The following ALG14 variants were observed in gnomAD, a reference collection of about 807,000 sequenced individuals.
ALG14 encodes the protein UDP-N-acetylglucosamine transferase subunit ALG14.
ALG14 carries 17 observed loss-of-function variants against 22.8 expected under a neutral mutation model. The observed-to-expected ratio is 0.75, with a 90% CI of 0.51 to 1.12. ALG14 has a LOEUF of 1.12. ALG14 is among the 50% of genes most tolerant of loss of function. ALG14 has a pLI of 0.00. For missense variants in ALG14, 288 were observed against 271.8 expected (o/e 1.06, Z -0.42); for synonymous variants, 89 against 103.7 (o/e 0.86, Z 0.86).
chr1:95,062,281 C>A (rs1675190083), intron 2 of ALG14: 1 of 152,132 alleles, frequency 6.6e-6, no homozygotes, highest in African/African-American at 2.4e-5. Flanking sequence ...AAAAATTAAG[C>A]AACCATTTTT....
At chr1:95,015,882 A>G (rs1487537130) in intron 3 of ALG14, among the ~76,000 whole-genome samples, 1 of 152,218 alleles carries the variant, frequency 6.6e-6, no homozygotes, top group Admixed American at 6.5e-5. Context: ...TCCGTGGTCT[A>G]AGTTTTAAAA....
intron 2 of ALG14, among the ~76,000 whole-genome samples, chr1:95,044,355 C>T (rs545757901): frequency 1.3e-5 from 2 of 152,238 alleles, no homozygotes; most frequent in South Asian, 4.2e-4. Flanking sequence ...TCCAACAGGT[C>T]TCTATTTTCC....
intron 3 of ALG14, among the ~76,000 whole-genome samples, chr1:95,016,500 A>C (rs1673499293): frequency 6.6e-6 from 1 of 152,212 alleles, no homozygotes; most frequent in Admixed American, 6.5e-5. Flanking sequence ...ATGCAGACAC[A>C]TGCTGATTTT....
chr1:94,991,013 A>T (rs1336371092), intron 3 of ALG14, among the ~76,000 whole-genome samples: 1 of 152,268 alleles, frequency 6.6e-6, no homozygotes, highest in East Asian at 1.9e-4. Flanking sequence ...CTTATGCACC[A>T]AGGCTTTGCA....
chr1:95,007,502 C>A (rs1673250318), intron 3 of ALG14, among the ~76,000 whole-genome samples: 1 of 152,208 alleles, frequency 6.6e-6, no homozygotes, highest in African/African-American at 2.4e-5. Context: ...TGCATTCCTG[C>A]ACGTCTAGTG....
At chr1:95,026,676 C>A (rs1673830347) in intron 3 of ALG14, among the ~76,000 whole-genome samples, 1 of 152,106 alleles carries the variant, frequency 6.6e-6, no homozygotes, top group Non-Finnish European at 1.5e-5. Flanking sequence ...TGCCTGTAAT[C>A]CCAGCACTTT....
intron 2 of ALG14, among the ~76,000 whole-genome samples, chr1:95,042,115 T>TA (rs1488570016): frequency 6.6e-6 from 1 of 152,134 alleles, no homozygotes; most frequent in Non-Finnish European, 1.5e-5. Flanking sequence ...GTTTTGTTTC[T>TA]AAAAAATAGC....
chr1:95,000,261 C>T (rs563835909), intron 3 of ALG14, among the ~76,000 whole-genome samples: 5 of 152,046 alleles, frequency 3.3e-5, no homozygotes, highest in East Asian at 1.9e-4. Flanking sequence ...TCTGGCCAGG[C>T]GCAGTGGCTC....
intron 2 of ALG14, among the ~76,000 whole-genome samples, chr1:95,041,869 A>G (rs1040917007): frequency 1.3e-5 from 2 of 152,160 alleles, no homozygotes; most frequent in Non-Finnish European, 2.9e-5. Flanking sequence ...TGATTCTTAT[A>G]TAAACAGAAA....
intron 2 of ALG14, among the ~76,000 whole-genome samples, chr1:95,036,160 T>C (rs1014278512): frequency 3.9e-5 from 6 of 152,072 alleles, no homozygotes; most frequent in African/African-American, 1.4e-4. Context: ...TTTGGTTGTG[T>C]CCCCACCCAA....
chr1:94,989,744 C>G (rs1480378790), intron 3 of ALG14, among the ~76,000 whole-genome samples: 1 of 152,238 alleles, frequency 6.6e-6, no homozygotes, highest in Non-Finnish European at 1.5e-5. Flanking sequence ...TCTATATTTT[C>G]TAAGCCTACT....
chr1:94,993,289 TTA>T (rs939296311), intron 3 of ALG14, among the ~76,000 whole-genome samples: 10 of 146,216 alleles, frequency 6.8e-5, no homozygotes, highest in African/African-American at 1.5e-4. Context: ...ATTTATATAT[TTA>T]TATATATCAG....
At chr1:95,060,133 C>CACACACAA (rs1675088903) in intron 2 of ALG14, among the ~76,000 whole-genome samples, 1 of 1,880 alleles carries the variant, frequency 5.3e-4, no homozygotes. Flanking sequence ...CACACAAACA[C>CACACACAA]ACACACACAC....
intron 3 of ALG14, among the ~76,000 whole-genome samples, chr1:95,012,053 T>C (rs1362524730): frequency 1.3e-5 from 2 of 152,126 alleles, no homozygotes; most frequent in Non-Finnish European, 2.9e-5. Context: ...GATCTGATGA[T>C]TTTATAAGGG....
At chr1:94,987,361 T>C (rs2100715330) in intron 3 of ALG14, among the ~76,000 whole-genome samples, 1 of 152,388 alleles carries the variant, frequency 6.6e-6, no homozygotes, top group South Asian at 2.1e-4. Context: ...GACTAGCCTC[T>C]GACCATGTGC....
intron 3 of ALG14, among the ~76,000 whole-genome samples, chr1:95,026,181 C>T (rs1018949112): frequency 5.3e-5 from 8 of 152,144 alleles, no homozygotes; most frequent in Admixed American, 1.3e-4. Context: ...ATCCGCCTGC[C>T]TCGGCCTCCC....
chr1:94,974,642 C>A lies in ALG14; in HGVS notation c.*8434G>T, dbSNP rs947230405. 2.0e-5 allele frequency: 3 copies of A among 152,114 alleles called. No individual in the cohort carries two copies. The highest frequency in any genetic ancestry group is 7.2e-5 in the African/African-American group (3 of 41,422). The allele number at this position is 152,114 out of a possible 1,614,324, so 9.4% of individuals were successfully genotyped here. A position where few individuals can be genotyped will look rare whatever the true frequency, so the allele number is the denominator to read the frequency against. ...CATCTTCTGCCTTTTGCCTGGCAGG[C>A]AAAAAATTTCTTCCTCTTTTAATAT... is the stretch of plus-strand genomic sequence containing the variant. On this transcript the variant is annotated 3_prime_UTR_variant, in exon 4 of 4. Transcript: ENST00000370205.
At chr1:94,989,536 T>A (rs1672722257) in intron 3 of ALG14, among the ~76,000 whole-genome samples, 1 of 152,160 alleles carries the variant, frequency 6.6e-6, no homozygotes, top group African/African-American at 2.4e-5. Context: ...CAGGAGCTAG[T>A]GCTACAGAGG....
intron 3 of ALG14, among the ~76,000 whole-genome samples, chr1:95,015,413 G>T (rs747673759): frequency 6.6e-6 from 1 of 152,180 alleles, no homozygotes; most frequent in African/African-American, 2.4e-5. Context: ...TTTGGGGAGG[G>T]AGAAAATTCA....
Sources: gnomAD v4.1 joint callset for allele counts (sites outside exome capture counted in the v4.1 genomes callset) on GRCh38, gnomAD v4.1.1 for gene constraint, MANE v1.5 for transcripts, NCBI Gene and HGNC (gene_info 2026-07-23, HGNC 2026-07-21) for gene names.